The following MCOLN2 variants were observed in gnomAD, a reference collection of about 807,000 sequenced individuals.
MCOLN2 encodes the protein mucolipin-2.
A neutral mutation model predicts 67.5 loss-of-function variants in MCOLN2; 57 were observed. The ratio of observed to expected loss-of-function variants is 0.84; its 90% CI spans 0.68 to 1.05. The LOEUF (loss-of-function observed/expected upper bound fraction) is 1.05, where lower values mean the gene tolerates loss of function less well. MCOLN2 is among the 50% of genes least tolerant of loss of function. The pLI is 0.00. For missense variants in MCOLN2, 620 were observed against 678.8 expected, an observed-to-expected ratio of 0.91 and a Z score of 0.96; for synonymous variants, 246 against 233.3, an observed-to-expected ratio of 1.05 and a Z score of -0.50.
At chr1:84,992,373 G>A (rs1176328115) in intron 1 of MCOLN2, among the ~76,000 whole-genome samples, 1 of 152,160 alleles carries the variant, frequency 6.6e-6, no homozygotes, top group Non-Finnish European at 1.5e-5. Context: ...GACAACATTC[G>A]CTGGACACAG....
intron 6 of MCOLN2, among the ~76,000 whole-genome samples, chr1:84,950,092 C>T (rs1372410296): frequency 1.3e-5 from 2 of 152,052 alleles, no homozygotes; most frequent in Non-Finnish European, 2.9e-5. Flanking sequence ...GGTTTTAAGT[C>T]AAAATTGTAA....
At chr1:84,987,566 A>G (rs1315998440) in intron 1 of MCOLN2, among the ~76,000 whole-genome samples, 1 of 92,376 alleles carries the variant, frequency 1.1e-5, no homozygotes, top group African/African-American at 3.8e-5. Context: ...CTATGTATAC[A>G]TAGATGTATA....
intron 5 of MCOLN2, 23 bp downstream of exon 5, chr1:84,952,423 A>G (rs1570981335): frequency 6.3e-7 from 1 of 1,583,336 alleles, no homozygotes; most frequent in Non-Finnish European, 8.7e-7. Context: ...CTCTTAGGGA[A>G]TAACACTTTA....
chr1:84,972,574 C>A (rs1316581345), intron 1 of MCOLN2, among the ~76,000 whole-genome samples: 3 of 152,122 alleles, frequency 2.0e-5, no homozygotes, highest in African/African-American at 7.2e-5. Context: ...GAGGAAGGCA[C>A]AACAAAGCTA....
In MCOLN2 at chr1:84,956,560, G is replaced by A. The variant is rs771260514; in HGVS notation, c.436C>T (p.Leu146=). ...NQYHQLKDIT[L]GTLGYGENED... is the part of the protein sequence containing the mutation. ...TTTTCTCCATAACCAAGGGTCCCCA[G>A]GGTAATGTCCTTTAGCTGATGATAC... Residue 146 remains leucine, a synonymous_variant, in exon 4 of 14, where the codon CTG becomes TTG. Coordinates refer to ENST00000370608, the MANE Select transcript of MCOLN2 (RefSeq NM_153259.4). 3.1e-6 allele frequency: 5 copies of A among 1,606,326 alleles called. No homozygotes were observed. The South Asian group carries it at 5.6e-5, about 18-fold the overall frequency.
intron 1 of MCOLN2, among the ~76,000 whole-genome samples, chr1:84,974,422 G>A (rs1425955162): frequency 6.6e-6 from 1 of 151,420 alleles, no homozygotes; most frequent in Non-Finnish European, 1.5e-5. Context: ...GAGTGGGGAG[G>A]ACTTTGTCTT....
At chr1:84,946,351 T>G (rs527910823) in intron 7 of MCOLN2, among the ~76,000 whole-genome samples, 3 of 152,310 alleles carry the variant, frequency 2.0e-5, no homozygotes, top group Admixed American at 6.5e-5. Flanking sequence ...ATTTTCTTCC[T>G]TTTCCCATAA....
At chr1:84,982,146 T>G (rs146785373) in intron 1 of MCOLN2, among the ~76,000 whole-genome samples, 1 of 151,540 alleles carries the variant, frequency 6.6e-6, no homozygotes, top group South Asian at 2.1e-4. Context: ...GGGAAGCAGA[T>G]TTATCAAGAA....
At chr1:84,982,074 G>GTT (rs11461473) in intron 1 of MCOLN2, among the ~76,000 whole-genome samples, 148 of 118,034 alleles carry the variant, frequency 1.3e-3, no homozygotes, top group South Asian at 1.6e-3. Flanking sequence ...TTAGCCATGG[G>GTT]TTTTTTTTTT....
intron 7 of MCOLN2, among the ~76,000 whole-genome samples, chr1:84,943,568 A>G (rs1647915972): frequency 6.6e-6 from 1 of 151,770 alleles, no homozygotes; most frequent in South Asian, 2.1e-4. Context: ...CAGAGACAGC[A>G]TTGAAGAGAA....
chr1:84,937,845 T>A lies in MCOLN2; in HGVS notation c.1245A>T (p.Pro415=). 6.2e-7 allele frequency: 1 copy of A among 1,614,218 alleles called. No homozygotes were observed. The highest frequency in any genetic ancestry group is 8.5e-7 in the Non-Finnish European group (1 of 1,180,032). Residue 415 remains proline, a synonymous_variant, in exon 11 of 14, where the codon CCA becomes CCT. Transcript: ENST00000370608. ...CACAAGCACAAAACCGAAGAACTTT[T>A]GGCAGTGAGGCCTGCATTGTTAAAA... is the stretch of plus-strand genomic sequence containing the variant. ...VLILTMQASL[P]KVLRFCACAG...
intron 11 of MCOLN2, among the ~76,000 whole-genome samples, chr1:84,933,443 C>T (rs1337467467): frequency 6.6e-6 from 1 of 152,148 alleles, no homozygotes; most frequent in Non-Finnish European, 1.5e-5. Flanking sequence ...AGTCCTCCTC[C>T]AAAAAGACCT....
At chr1:84,933,586 T>C (rs971436093) in intron 11 of MCOLN2, among the ~76,000 whole-genome samples, 4 of 152,224 alleles carry the variant, frequency 2.6e-5, no homozygotes, top group East Asian at 1.9e-4. Context: ...GCTGAAAACA[T>C]TGACATTAAA....
chr1:84,940,959 CA>C lies in MCOLN2; in HGVS notation c.879del (p.Phe293LeufsTer7), dbSNP rs1254293292. Reference sequence around the variant, plus strand: ...AAGCAAATCACAATGACAAATGCATCAAACACCAGGACATACTGAGCATTTT... The same window carrying C: ...AAGCAAATCACAATGACAAATGCATCAACACCAGGACATACTGAGCATTTT... ...TQKNAQYVLV[F>X]DAFVIVICLA... On this transcript the variant is annotated frameshift_variant, in exon 8 of 14. Transcript: ENST00000370608. LOFTEE classifies it high-confidence loss of function. The C allele has an allele frequency of 1.1e-5, 18 of 1,613,448 alleles. No homozygotes were observed. Among genetic ancestry groups the C allele is most frequent in the Non-Finnish European group, 1.4e-5 (17 of 1,179,602 alleles).
intron 6 of MCOLN2, among the ~76,000 whole-genome samples, chr1:84,950,385 A>G (rs562671750): frequency 1.5e-3 from 231 of 152,366 alleles, no homozygotes; most frequent in African/African-American, 5.3e-3. Context: ...AAATGATCTC[A>G]TTTATTATTC....
intron 9 of MCOLN2, among the ~76,000 whole-genome samples, chr1:84,938,425 G>C (rs1240833575): frequency 6.6e-6 from 1 of 152,096 alleles, no homozygotes; most frequent in Non-Finnish European, 1.5e-5. Context: ...ACAAATTAAT[G>C]GTGTTTGTTA....
intron 2 of MCOLN2, among the ~76,000 whole-genome samples, chr1:84,964,557 T>C (rs1649274819): frequency 6.6e-6 from 1 of 151,880 alleles, no homozygotes; most frequent in Non-Finnish European, 1.5e-5. Context: ...TTCAGGATGA[T>C]TCAAGTGCAT....
chr1:84,977,726 A>G (rs1274774229), intron 1 of MCOLN2, among the ~76,000 whole-genome samples: 5 of 152,200 alleles, frequency 3.3e-5, no homozygotes, highest in Non-Finnish European at 7.3e-5. Flanking sequence ...ACATTGGAGC[A>G]CCCAGATATA....
chr1:84,956,327 C>G (rs1317115164), intron 4 of MCOLN2, 104 bp downstream of exon 4: 1 of 1,169,358 alleles, frequency 8.6e-7, no homozygotes, highest in Non-Finnish European at 1.2e-6. Context: ...CAGGTTAGCT[C>G]TCACCAAAGC....
Sources: allele counts gnomAD v4.1 joint callset (sites outside exome capture counted in the v4.1 genomes callset), GRCh38; gene constraint gnomAD v4.1.1; transcripts MANE v1.5; gene names NCBI Gene and HGNC (gene_info 2026-07-23, HGNC 2026-07-21).